Variants in KIAA1328 observed in about 807,000 individuals in gnomAD.
The protein encoded by KIAA1328 is protein hinderin.
In KIAA1328, 52 loss-of-function variants were observed where a neutral mutation model predicts 68.1. The observed-to-expected ratio is 0.76, with a 90% CI of 0.61 to 0.96. KIAA1328 has a LOEUF of 0.96. Among genes scored for constraint, KIAA1328 ranks in the 40% least tolerant of loss-of-function variants. The pLI is 0.00. For missense variants in KIAA1328, 641 were observed against 677.6 expected, an observed-to-expected ratio of 0.95 and a Z score of 0.60; for synonymous variants, 232 against 239.4, an observed-to-expected ratio of 0.97 and a Z score of 0.28.
intron 4 of KIAA1328, among the ~76,000 whole-genome samples, chr18:36,884,259 G>A (rs2048422146): frequency 6.6e-6 from 1 of 152,078 alleles, no homozygotes; most frequent in Non-Finnish European, 1.5e-5. Context: ...TTGTTTAGTT[G>A]TCTGAATTCT....
intron 6 of KIAA1328, among the ~76,000 whole-genome samples, chr18:37,020,556 G>A (rs1351672497): frequency 6.6e-6 from 1 of 152,212 alleles, no homozygotes; most frequent in East Asian, 1.9e-4. Flanking sequence ...GAATTTTTCA[G>A]AATGGTAAAC....
At chr18:36,832,493 G>T (rs1352430948) in intron 1 of KIAA1328, among the ~76,000 whole-genome samples, 3 of 150,784 alleles carry the variant, frequency 2.0e-5, no homozygotes, top group South Asian at 4.2e-4. Context: ...GGAGGCTGAG[G>T]CAGAGAATTG....
At chr18:37,214,436 G>A (rs557620988) in intron 9 of KIAA1328, among the ~76,000 whole-genome samples, 1 of 152,194 alleles carries the variant, frequency 6.6e-6, no homozygotes, top group South Asian at 2.1e-4. Flanking sequence ...TTTTTGTCAG[G>A]TTTGTCAAAG....
chr18:37,063,565 A>G, intron 6 of KIAA1328: 2 of 870,540 alleles, frequency 2.3e-6, no homozygotes, highest in Non-Finnish European at 2.8e-6. Context: ...AGTTGCGTAC[A>G]CTAGGGGGTG....
At chr18:36,894,840 A>G (rs2048818438) in intron 5 of KIAA1328, among the ~76,000 whole-genome samples, 2 of 151,952 alleles carry the variant, frequency 1.3e-5, no homozygotes, top group African/African-American at 2.4e-5. Context: ...TTCTGTTTTT[A>G]TTACATCACT....
chr18:36,897,850 G>T (rs2151021560), intron 5 of KIAA1328, among the ~76,000 whole-genome samples: 1 of 152,154 alleles, frequency 6.6e-6, no homozygotes, highest in Non-Finnish European at 1.5e-5. Context: ...GCATGGCAGA[G>T]AAGTAATTTG....
At chr18:37,230,133 A>C (rs1048132641), downstream of KIAA1328, 1 of 152,364 alleles carries the variant, frequency 6.6e-6, no homozygotes, top group East Asian at 1.9e-4. Flanking sequence ...AGTGTTCAGC[A>C]TAGAATATAA....
At chr18:37,181,114 G>GAGTAAC (rs1235595834) in intron 9 of KIAA1328, among the ~76,000 whole-genome samples, 1 of 152,068 alleles carries the variant, frequency 6.6e-6, no homozygotes, top group Non-Finnish European at 1.5e-5. Context: ...CTTGCCCTCA[G>GAGTAAC]AGTAACAGTT....
At chr18:36,971,203 T>C (rs2052192167) in intron 6 of KIAA1328, among the ~76,000 whole-genome samples, 2 of 152,192 alleles carry the variant, frequency 1.3e-5, no homozygotes, top group African/African-American at 2.4e-5. Context: ...GAGAAAGGAT[T>C]CCCTATTAAA....
At chr18:37,186,378 C>A (rs2059800376) in intron 9 of KIAA1328, among the ~76,000 whole-genome samples, 1 of 151,398 alleles carries the variant, frequency 6.6e-6, no homozygotes, top group African/African-American at 2.4e-5. Context: ...CCAGCCTGGG[C>A]AACATAGTGA....
chr18:37,085,744 A>G (rs1011651133), intron 7 of KIAA1328, among the ~76,000 whole-genome samples: 3 of 151,952 alleles, frequency 2.0e-5, no homozygotes, highest in Non-Finnish European at 4.4e-5. Flanking sequence ...ATAACCATCT[A>G]TTTGCTCCCT....
At position 37,032,537 on chromosome 18, in the gene KIAA1328, C is replaced by A. The variant is rs147474645; in HGVS notation, c.577-34353C>A. 1.0e-3 allele frequency among the ~76,000 whole-genome samples: 156 copies of A among 151,314 alleles called. 2 individuals are homozygous for A. The highest frequency in any genetic ancestry group is 3.7e-3 in the African/African-American group (154 of 41,264). ...TTCATCTTTCGTATCTATTTCACTT[C>A]GTTTTTAAAGGAATTTCTTTCTGAC... On this transcript the variant is annotated intron_variant, in intron 6 of 9. Coordinates refer to ENST00000280020, the MANE Select transcript of KIAA1328 (RefSeq NM_020776.3).
At chr18:36,957,794 A>G (rs1295765325) in intron 5 of KIAA1328, among the ~76,000 whole-genome samples, 1 of 152,198 alleles carries the variant, frequency 6.6e-6, no homozygotes, top group Non-Finnish European at 1.5e-5. Context: ...TTTTAAAATA[A>G]TAACTTTATT....
intron 6 of KIAA1328, among the ~76,000 whole-genome samples, chr18:37,034,702 A>G (rs1356355319): frequency 1.3e-5 from 2 of 152,328 alleles, no homozygotes; most frequent in African/African-American, 4.8e-5. Context: ...GAAATATGAA[A>G]TATAGTTACT....
chr18:37,222,409 G>C lies in KIAA1328; in HGVS notation c.*182G>C. 1.4e-6 allele frequency: 2 copies of C among 1,431,516 alleles called. No individual in the cohort carries two copies. Among genetic ancestry groups the C allele is most frequent in the Non-Finnish European group, 1.8e-6 (2 of 1,099,300 alleles). The allele number at this position is 1,431,516 out of a possible 1,614,324, so 88.7% of individuals were successfully genotyped here. A position where few individuals can be genotyped will look rare whatever the true frequency, so the allele number is the denominator to read the frequency against. The stretch of plus-strand genomic sequence containing the variant: ...ACCCAGGTTATTTTCAATCAGACCA[G>C]GCATTCGATAACACACTAAGGGGGT... On this transcript the variant is annotated 3_prime_UTR_variant, in exon 10 of 10. Coordinates refer to ENST00000280020, the MANE Select transcript of KIAA1328 (RefSeq NM_020776.3).
chr18:37,163,204 C>T (rs962099743), intron 8 of KIAA1328, among the ~76,000 whole-genome samples: 1 of 152,176 alleles, frequency 6.6e-6, no homozygotes, highest in East Asian at 1.9e-4. Flanking sequence ...TATGAGAGCC[C>T]TCAAAACTGA....
At chr18:37,200,585 G>C (rs890730013) in intron 9 of KIAA1328, among the ~76,000 whole-genome samples, 3 of 152,008 alleles carry the variant, frequency 2.0e-5, no homozygotes, top group Non-Finnish European at 4.4e-5. Context: ...GCCGAGGCGG[G>C]TGGATCATGA....
intron 6 of KIAA1328, among the ~76,000 whole-genome samples, chr18:37,013,180 G>A (rs900359562): frequency 6.6e-6 from 1 of 152,122 alleles, no homozygotes; most frequent in Non-Finnish European, 1.5e-5. Context: ...ACAGGATAGG[G>A]TAGCAAGGCA....
intron 6 of KIAA1328, among the ~76,000 whole-genome samples, chr18:36,991,986 T>C (rs1424750185): frequency 6.6e-6 from 1 of 152,228 alleles, no homozygotes; most frequent in Non-Finnish European, 1.5e-5. Context: ...TGGCATCTAA[T>C]GGTGATTTTA....
Sources: gnomAD v4.1 joint callset for allele counts (sites outside exome capture counted in the v4.1 genomes callset) on GRCh38, gnomAD v4.1.1 for gene constraint, MANE v1.5 for transcripts, NCBI Gene and HGNC (gene_info 2026-07-23, HGNC 2026-07-21) for gene names.